Variants in SCEL observed in about 807,000 individuals in gnomAD.
The protein encoded by SCEL is sciellin.
Under a neutral mutation model 117.6 loss-of-function variants are expected in SCEL, and 113 were observed. That is an observed-to-expected ratio of 0.96 (90% CI 0.83 to 1.12). The LOEUF is 1.12. SCEL is among the 50% of genes most tolerant of loss of function. The pLI, the probability that SCEL is intolerant of heterozygous loss-of-function variation, is 0.00. For missense variants in SCEL, 785 were observed against 810.8 expected, an observed-to-expected ratio of 0.97 and a Z score of 0.39; for synonymous variants, 270 against 256.2, an observed-to-expected ratio of 1.05 and a Z score of -0.51.
intron 1 of SCEL, 49 bp from the exon 2 acceptor site, chr13:77,555,808 G>A (rs2084622695): frequency 8.3e-7 from 1 of 1,206,492 alleles, no homozygotes; most frequent in South Asian, 1.2e-5. Flanking sequence ...TCACTTACAG[G>A]TTCTCAGAGT....
At chr13:77,556,820 C>G in intron 3 of SCEL, 107 bp downstream of exon 3, 1 of 790,672 alleles carries the variant, frequency 1.3e-6, no homozygotes, top group Non-Finnish European at 2.2e-6. Flanking sequence ...TCCTGAAACA[C>G]TTTGTTGCAT....
intron 1 of SCEL, among the ~76,000 whole-genome samples, chr13:77,554,449 A>G (rs1479335987): frequency 6.6e-6 from 1 of 152,146 alleles, no homozygotes; most frequent in Admixed American, 6.5e-5. Context: ...CATTCCAGAA[A>G]CAGACCCCAA....
chr13:77,536,650 C>G (rs775293911), intron 1 of SCEL, among the ~76,000 whole-genome samples: 1 of 152,176 alleles, frequency 6.6e-6, no homozygotes, highest in African/African-American at 2.4e-5. Flanking sequence ...AATAGCTAAG[C>G]TGACTTGTGT....
At chr13:77,560,297 G>A (rs896731844) in intron 4 of SCEL, among the ~76,000 whole-genome samples, 2 of 151,782 alleles carry the variant, frequency 1.3e-5, no homozygotes, top group East Asian at 1.9e-4. Context: ...AATTAGCTAG[G>A]TGTGATGGTG....
At chr13:77,633,996 T>C (rs1220699832) in intron 28 of SCEL, among the ~76,000 whole-genome samples, 1 of 152,244 alleles carries the variant, frequency 6.6e-6, no homozygotes, top group Non-Finnish European at 1.5e-5. Flanking sequence ...TCATGATAGC[T>C]AATTAAGGTC....
At chr13:77,544,930 G>C (rs941131946) in intron 1 of SCEL, among the ~76,000 whole-genome samples, 2 of 152,172 alleles carry the variant, frequency 1.3e-5, no homozygotes, top group Non-Finnish European at 2.9e-5. Flanking sequence ...GCTCTTTCTG[G>C]TGTTTGGCCA....
chr13:77,604,635 A>T (rs1290342414), intron 19 of SCEL, among the ~76,000 whole-genome samples: 4 of 152,218 alleles, frequency 2.6e-5, no homozygotes, highest in Admixed American at 2.6e-4. Context: ...TAATTTTGAG[A>T]AATTAAATGG....
chr13:77,601,595 A>G (rs2087699644), intron 15 of SCEL, among the ~76,000 whole-genome samples: 1 of 152,222 alleles, frequency 6.6e-6, no homozygotes, highest in African/African-American at 2.4e-5. Context: ...GACTTTACCA[A>G]GGTGACTTCA....
chr13:77,613,039 C>A, intron 23 of SCEL, 98 bp downstream of exon 23: 4 of 699,636 alleles, frequency 5.7e-6, no homozygotes, highest in Middle Eastern at 2.8e-4. Flanking sequence ...TGAAAGGGGA[C>A]ATGAAAAAAA....
intron 9 of SCEL, among the ~76,000 whole-genome samples, chr13:77,572,581 G>C (rs2085701856): frequency 6.6e-6 from 1 of 152,158 alleles, no homozygotes; most frequent in African/African-American, 2.4e-5. Context: ...TCTGAGGACT[G>C]TTAGGGCTCC....
At chr13:77,549,833 A>G (rs2084203163) in intron 1 of SCEL, among the ~76,000 whole-genome samples, 1 of 152,150 alleles carries the variant, frequency 6.6e-6, no homozygotes, top group Non-Finnish European at 1.5e-5. Flanking sequence ...GTTGATACAG[A>G]TGCATACCAG....
At chr13:77,610,978 A>T (rs1428527239) in intron 22 of SCEL, among the ~76,000 whole-genome samples, 1 of 152,238 alleles carries the variant, frequency 6.6e-6, no homozygotes, top group Non-Finnish European at 1.5e-5. Flanking sequence ...TATGAATTTG[A>T]ACATGAGTTA....
chr13:77,610,074 A>G lies in SCEL; in HGVS notation c.1305A>G (p.Lys435=), dbSNP rs752970374. 10 of 1,610,818 alleles carry G rather than the reference A, an allele frequency of 6.2e-6. No homozygotes were observed. The highest frequency in any genetic ancestry group is 8.5e-6 in the Non-Finnish European group (10 of 1,178,204). Residue 435 remains lysine (K), a synonymous_variant, in exon 22 of 33, where the codon AAA becomes AAG. Transcript: ENST00000349847. ...GCCAAAGTCTCGACAGCCTCATTAA[A>G]GTGACTCCTGAAAGAAACAGAACTA... ...EGGQSLDSLI[K]VTPERNRTNQ... is the part of the protein sequence containing the mutation.
intron 23 of SCEL, among the ~76,000 whole-genome samples, chr13:77,613,251 A>G (rs752635229): frequency 3.3e-5 from 5 of 152,178 alleles, no homozygotes; most frequent in Non-Finnish European, 7.4e-5. Context: ...CAAGTTCATA[A>G]AACTGAACAA....
At chr13:77,635,305 T>C (rs1469942483) in intron 29 of SCEL, among the ~76,000 whole-genome samples, 2 of 152,218 alleles carry the variant, frequency 1.3e-5, no homozygotes, top group African/African-American at 4.8e-5. Context: ...TCTGCTGTCT[T>C]TCAATTAAAC....
rs2084676604 is a variant in SCEL, at chr13:77,556,690, A to G, written c.138A>G (p.Ile46Met). The part of the protein sequence containing the change: ...RRTFLQDNSW[I>M]KKRPEEEKDE... ...CTTTCTTACAGGATAACAGTTGGAT[A>G]AAGAAACGCCCTGAAGAAGAAAAGT... The change falls in exon 3 of 33, where the codon ATA becomes ATG. Residue 46 changes from isoleucine (I) to methionine (M), a missense_variant. Coordinates refer to ENST00000349847, the MANE Select transcript of SCEL (RefSeq NM_144777.3). 1 of 1,613,676 alleles carries G rather than the reference A, an allele frequency of 6.2e-7. No homozygotes were observed. The highest frequency in any genetic ancestry group is 1.3e-5 in the African/African-American group (1 of 74,904).
In SCEL at chr13:77,604,430, G is replaced by GC. The variant is rs2087964526; in HGVS notation, c.1157+16dup. The GC allele has an allele frequency of 6.4e-7, 1 of 1,568,304 alleles. No homozygotes were observed. Among genetic ancestry groups the GC allele is most frequent in the South Asian group, 1.2e-5 (1 of 83,036 alleles). ...AATATTACGAGGTAAGACATTTAAA[G>GC]CTCCCCCCTCCCCTTTGTTTGGCAT... On this transcript the variant is annotated intron_variant, in intron 19 of 32. Coordinates refer to ENST00000349847, the MANE Select transcript of SCEL (RefSeq NM_144777.3).
At chr13:77,601,418 G>T (rs1331370934) in intron 15 of SCEL, among the ~76,000 whole-genome samples, 1 of 152,074 alleles carries the variant, frequency 6.6e-6, no homozygotes, top group Non-Finnish European at 1.5e-5. Context: ...AATGTCAACA[G>T]TCTTATCACA....
intron 28 of SCEL, among the ~76,000 whole-genome samples, chr13:77,633,888 A>C (rs1366608378): frequency 6.6e-6 from 1 of 152,166 alleles, no homozygotes; most frequent in Non-Finnish European, 1.5e-5. Flanking sequence ...ATCAAACGTG[A>C]TTTTCCCTTA....
Sources: allele counts gnomAD v4.1 joint callset (sites outside exome capture counted in the v4.1 genomes callset), GRCh38; gene constraint gnomAD v4.1.1; transcripts MANE v1.5; gene names NCBI Gene and HGNC (gene_info 2026-07-23, HGNC 2026-07-21).